PDE4B: variants seen among roughly 807,000 people sequenced by gnomAD.
PDE4B encodes phosphodiesterase 4B.
PDE4B carries 20 observed loss-of-function variants against 82.2 expected under a neutral mutation model. The observed-to-expected ratio is 0.24, with a 90% CI of 0.17 to 0.35. PDE4B has a LOEUF of 0.35. Ranked by LOEUF, PDE4B falls within the 10% of genes least tolerant of loss-of-function variation. The probability of loss-of-function intolerance (pLI) is 1.00; values close to 1 mark genes in which losing one functional copy is unlikely to be tolerated. For missense variants in PDE4B, 655 were observed against 907.2 expected (o/e 0.72, Z 3.57); for synonymous variants, 320 against 318.9 (o/e 1.00, Z -0.04).
chr1:66,304,934 G>A (rs750436724), intron 7 of PDE4B, among the ~76,000 whole-genome samples: 7 of 152,070 alleles, frequency 4.6e-5, no homozygotes, highest in Non-Finnish European at 5.9e-5. Flanking sequence ...AACACCTAGA[G>A]TATTATTTGG....
chr1:66,190,609 G>A (rs1463651648), intron 3 of PDE4B, among the ~76,000 whole-genome samples: 1 of 152,162 alleles, frequency 6.6e-6, no homozygotes, highest in Non-Finnish European at 1.5e-5. Flanking sequence ...CAATGAGTGA[G>A]GCTCTGTGGG....
intron 1 of PDE4B, among the ~76,000 whole-genome samples, chr1:65,855,143 ATAT>A (rs1646378613): frequency 1.4e-5 from 2 of 142,962 alleles, no homozygotes; most frequent in South Asian, 4.2e-4. Flanking sequence ...ATTTAAGCAG[ATAT>A]TATATTATAT....
intron 3 of PDE4B, among the ~76,000 whole-genome samples, chr1:65,951,064 C>T (rs1937456): frequency 0.32 from 48,446 of 151,968 alleles, 8,305 homozygotes; most frequent in East Asian, 0.46. Context: ...GGGACCGTCA[C>T]GCAAATAGCA....
intron 1 of PDE4B, among the ~76,000 whole-genome samples, chr1:65,910,929 T>C (rs1647082776): frequency 6.6e-6 from 1 of 152,098 alleles, no homozygotes; most frequent in African/African-American, 2.4e-5. Flanking sequence ...AATCTATATT[T>C]CTTGCTTTTT....
chr1:66,130,442 A>G (rs758261210), intron 3 of PDE4B, among the ~76,000 whole-genome samples: 4 of 152,196 alleles, frequency 2.6e-5, no homozygotes, highest in Non-Finnish European at 4.4e-5. Flanking sequence ...TTGAAATCAC[A>G]TGAAATTTGG....
chr1:66,066,318 T>A (rs991740111), intron 3 of PDE4B, among the ~76,000 whole-genome samples: 1 of 151,798 alleles, frequency 6.6e-6, no homozygotes, highest in East Asian at 1.9e-4. Context: ...TAGTATACAT[T>A]TTTTAGTCAT....
intron 7 of PDE4B, among the ~76,000 whole-genome samples, chr1:66,326,957 T>A (rs1266441445): frequency 6.6e-6 from 1 of 152,152 alleles, no homozygotes; most frequent in Non-Finnish European, 1.5e-5. Context: ...ATCAGTGTAG[T>A]CATAAGATTA....
At chr1:65,994,151 AC>A (rs1651402026) in intron 3 of PDE4B, among the ~76,000 whole-genome samples, 1 of 152,200 alleles carries the variant, frequency 6.6e-6, no homozygotes, top group South Asian at 2.1e-4. Context: ...TTGCCAATCA[AC>A]ATTATAAATT....
intron 7 of PDE4B, among the ~76,000 whole-genome samples, chr1:66,324,565 G>T (rs1040715): frequency 0.71 from 107,530 of 152,048 alleles, 39,359 homozygotes; most frequent in East Asian, 0.9. Context: ...GTGATTAGAA[G>T]TTTTGTTTTA....
intron 7 of PDE4B, among the ~76,000 whole-genome samples, chr1:66,317,620 A>G (rs915924216): frequency 3.9e-5 from 6 of 151,914 alleles, no homozygotes; most frequent in African/African-American, 7.3e-5. Context: ...AGTCAGGCCT[A>G]GTGCAGTGCC....
At chr1:66,353,106 T>C (rs1052228089) in intron 8 of PDE4B, among the ~76,000 whole-genome samples, 1 of 152,226 alleles carries the variant, frequency 6.6e-6, no homozygotes, top group Admixed American at 6.5e-5. Context: ...TGAGAGGCCA[T>C]TGTGACTGAG....
At chr1:66,255,010 C>T (rs1448845036) in intron 4 of PDE4B, among the ~76,000 whole-genome samples, 1 of 150,276 alleles carries the variant, frequency 6.7e-6, no homozygotes, top group African/African-American at 2.5e-5. Flanking sequence ...TCTCCTCTCT[C>T]TTTTTCTTTT....
intron 1 of PDE4B, among the ~76,000 whole-genome samples, chr1:65,902,553 T>C (rs933395517): frequency 2.6e-5 from 4 of 152,154 alleles, no homozygotes; most frequent in Non-Finnish European, 5.9e-5. Context: ...TAAGTTATTG[T>C]CACACCTTGT....
intron 1 of PDE4B, among the ~76,000 whole-genome samples, chr1:65,856,530 A>G (rs796397781): frequency 8.5e-5 from 13 of 152,208 alleles, no homozygotes; most frequent in African/African-American, 2.7e-4. Flanking sequence ...GTATGACTGC[A>G]TAGTATTCCA....
chr1:66,074,946 G>T (rs1336795133), intron 3 of PDE4B, among the ~76,000 whole-genome samples: 1 of 152,040 alleles, frequency 6.6e-6, no homozygotes, highest in Non-Finnish European at 1.5e-5. Flanking sequence ...TGTAGAGCAG[G>T]TGAGCCCCCA....
chr1:65,797,572 C>A (rs1231458646), intron 1 of PDE4B, among the ~76,000 whole-genome samples: 2 of 152,170 alleles, frequency 1.3e-5, no homozygotes, highest in African/African-American at 4.8e-5. Context: ...CCACTGAACG[C>A]TGCTGGTGCC....
intron 3 of PDE4B, among the ~76,000 whole-genome samples, chr1:66,068,220 A>C (rs1655969120): frequency 6.6e-6 from 1 of 151,968 alleles, no homozygotes; most frequent in South Asian, 2.1e-4. Context: ...CTATCCCTGA[A>C]GGAATAGCAC....
At chr1:66,357,683 G>A (rs2102013350) in intron 9 of PDE4B, among the ~76,000 whole-genome samples, 1 of 151,778 alleles carries the variant, frequency 6.6e-6, no homozygotes, top group South Asian at 2.1e-4. Flanking sequence ...GGGTGGATGT[G>A]GTAAACCCCA....
intron 3 of PDE4B, among the ~76,000 whole-genome samples, chr1:66,226,529 T>C (rs759781738): frequency 1.3e-5 from 2 of 152,118 alleles, no homozygotes; most frequent in Admixed American, 6.5e-5. Context: ...ATCAATAATA[T>C]GAAGGAGCCA....
Sources: allele counts gnomAD v4.1 joint callset (sites outside exome capture counted in the v4.1 genomes callset), GRCh38; gene constraint gnomAD v4.1.1; transcripts MANE v1.5; gene names NCBI Gene and HGNC (gene_info 2026-07-23, HGNC 2026-07-21).